Variants in SLC38A7 observed in about 807,000 individuals in gnomAD.
SLC38A7 encodes sodium-coupled neutral amino acid transporter 7.
Under a neutral mutation model 50.1 loss-of-function variants are expected in SLC38A7, and 29 were observed. That is an observed-to-expected ratio of 0.58 (90% CI 0.43 to 0.79). The LOEUF is 0.79. SLC38A7 is among the 30% of genes least tolerant of loss of function. The pLI, the probability that SLC38A7 is intolerant of heterozygous loss-of-function variation, is 0.00. For missense variants in SLC38A7, 483 were observed against 610.6 expected (o/e 0.79, Z 2.20); for synonymous variants, 244 against 245.9 (o/e 0.99, Z 0.07).
rs765831388 is a variant in SLC38A7, at chr16:58,678,506, C to A, written c.470-32G>T. On this transcript the variant is annotated intron_variant, in intron 4 of 11. Coordinates refer to ENST00000219320, the MANE Select transcript of SLC38A7 (RefSeq NM_018231.3). The surrounding 1 kb of genome is among the most constrained non-coding windows in gnomAD (Gnocchi z 4.0). ...AGGGAGGAAGGAGGGAATGTCAAGC[C>A]AGGCCACCATGGGGTGTGGCCCTCC... is the stretch of plus-strand genomic sequence containing the variant. 4.5e-6 allele frequency: 7 copies of A among 1,543,914 alleles called. No homozygotes were observed.
intron 10 of SLC38A7, 134 bp from the exon 11 acceptor site, chr16:58,670,301 C>T: frequency 1.3e-6 from 1 of 774,500 alleles, no homozygotes; most frequent in Non-Finnish European, 2.1e-6. Context: ...CCATCTCTGC[C>T]CCCACACCAC....
In SLC38A7 at chr16:58,671,228, G is replaced by A. The variant is rs144278540; in HGVS notation, c.1048C>T (p.Leu350=). The A allele has an allele frequency of 1.9e-6, 3 of 1,613,648 alleles. No individual in the cohort carries two copies. Among genetic ancestry groups the A allele is most frequent in the African/African-American group, 2.7e-5 (2 of 74,912 alleles). Residue 350 remains leucine (L), a synonymous_variant, in exon 10 of 12, where the codon CTG becomes TTG. Coordinates refer to ENST00000219320, the MANE Select transcript of SLC38A7 (RefSeq NM_018231.3). Reference sequence around the variant, plus strand: ...GGCACCCCCTGGTAGCGCAGCCACAGGCCTTCCACCACCGCCCTGCCCACA... The same window carrying A: ...GGCACCCCCTGGTAGCGCAGCCACAAGCCTTCCACCACCGCCCTGCCCACA... ...HFCGRAVVEG[L]WLRYQGVPVE... is the part of the protein sequence containing the mutation.
rs1200583711 is a variant in SLC38A7 at position 58,666,318 on chromosome 16, T to G, written c.*1067A>C. The G allele has an allele frequency of 6.6e-6, 1 of 151,816 alleles. No individual in the cohort carries two copies. The highest frequency in any genetic ancestry group is 1.5e-5 in the Non-Finnish European group (1 of 68,070). 9.4% of individuals were successfully genotyped at this position (151,816 alleles called of 1,614,324 possible). A position where few individuals can be genotyped will look rare whatever the true frequency, so the allele number is the denominator to read the frequency against. ...CTGACCTCAAGTCATCTGCCCGCCTTGGCCTCCCAAAGTGCTGGGATTACA... is the reference window on the plus strand; with the variant it reads ...CTGACCTCAAGTCATCTGCCCGCCTGGGCCTCCCAAAGTGCTGGGATTACA... On this transcript the variant is annotated 3_prime_UTR_variant, in exon 12 of 12. Coordinates refer to ENST00000219320, the MANE Select transcript of SLC38A7 (RefSeq NM_018231.3).
intron 6 of SLC38A7, 144 bp downstream of exon 6, chr16:58,677,182 C>T: frequency 1.5e-6 from 1 of 651,566 alleles, no homozygotes; most frequent in Non-Finnish European, 2.7e-6. Flanking sequence ...GCTCTTTCCT[C>T]CTTCCTACAA....
intron 2 of SLC38A7, 28 bp from the exon 3 acceptor site, chr16:58,680,269 G>T: frequency 1.1e-6 from 1 of 918,456 alleles, no homozygotes; most frequent in Non-Finnish European, 1.5e-6. Context: ...AGGCACTACT[G>T]TTATCCTAAG....
intron 2 of SLC38A7, among the ~76,000 whole-genome samples, chr16:58,681,040 C>A (rs904888330): frequency 4.6e-5 from 7 of 152,206 alleles, no homozygotes; most frequent in African/African-American, 1.7e-4. Flanking sequence ...TAGCATCTCA[C>A]TGGCCACTAG....
chr16:58,667,631 A>C, intron 11 of SLC38A7, 144 bp from the exon 12 acceptor site: 1 of 595,348 alleles, frequency 1.7e-6, no homozygotes, highest in Non-Finnish European at 2.7e-6. Context: ...CTTCAATACA[A>C]AGGTAGTGTG....
In SLC38A7 at chr16:58,671,166, T is replaced by TCGC. The variant is rs748025551; in HGVS notation, c.1107_1109dup (p.Arg370dup). 6.2e-7 allele frequency: 1 copy of TCGC among 1,613,658 alleles called. No homozygotes were observed. The highest frequency in any genetic ancestry group is 1.3e-5 in the African/African-American group (1 of 74,896). On this transcript the variant is annotated inframe_insertion, in exon 10 of 12. Transcript: ENST00000219320. ...GGAACCAGACCAGCGTCTGCAGCACTCGCCGCCGCCGCTCCCGCCCCACGT... is the reference window on the plus strand; with the variant it reads ...GGAACCAGACCAGCGTCTGCAGCACTCGCCGCCGCCGCCGCTCCCGCCCCACGT...
At chr16:58,668,159 T>C (rs796778615) in intron 11 of SLC38A7, among the ~76,000 whole-genome samples, 1 of 147,932 alleles carries the variant, frequency 6.8e-6, no homozygotes, top group African/African-American at 2.5e-5. Context: ...AAAATTAGGC[T>C]GGGTGTGGTG....
chr16:58,672,803 C>A (rs148616113), intron 8 of SLC38A7, among the ~76,000 whole-genome samples: 6 of 152,032 alleles, frequency 3.9e-5, no homozygotes, highest in African/African-American at 1.2e-4. Context: ...GATGCCACCA[C>A]ACCCAGCTAA....
At position 58,672,193 on chromosome 16, in the gene SLC38A7, G is replaced by A. The variant is rs1178781404; in HGVS notation, c.934C>T (p.Leu312=). The change falls in exon 9 of 12, where the codon CTG becomes TTG. Residue 312 remains leucine, a synonymous_variant. Coordinates refer to ENST00000219320, the MANE Select transcript of SLC38A7 (RefSeq NM_018231.3). The part of the protein sequence containing the change: ...FGAAVDPDVL[L]SYPSEDMAVA... ...GCCATGTCCTCCGAGGGATAGGACA[G>A]GAGCACGTCAGGATCCACAGCAGCT... 1 of 1,576,982 alleles carries A rather than the reference G, an allele frequency of 6.3e-7. No individual in the cohort carries two copies. Among genetic ancestry groups the A allele is most frequent in the South Asian group, 1.2e-5 (1 of 85,730 alleles).
chr16:58,680,209 G>T lies in SLC38A7; in HGVS notation c.-83C>A. On this transcript the variant is annotated 5_prime_UTR_variant, in exon 3 of 12. Coordinates refer to ENST00000219320, the MANE Select transcript of SLC38A7 (RefSeq NM_018231.3). ...TCAGGGAGCTGAGCAACACCCACCT[G>T]TTTGGGGCTGTTAGCTTAGGACTCT... The T allele has an allele frequency of 1.4e-6, 2 of 1,429,276 alleles. No homozygotes were observed. The highest frequency in any genetic ancestry group is 9.2e-7 in the Non-Finnish European group (1 of 1,086,096). 88.5% of individuals were successfully genotyped at this position (1,429,276 alleles called of 1,614,324 possible).
At chr16:58,674,380 G>A (rs113254391) in intron 8 of SLC38A7, among the ~76,000 whole-genome samples, 5 of 151,996 alleles carry the variant, frequency 3.3e-5, no homozygotes, top group African/African-American at 7.2e-5. Flanking sequence ...AGGCTCAAGC[G>A]ATCCTCCCAC....
At position 58,678,774 on chromosome 16, in the gene SLC38A7, A is replaced by C. The variant is rs749426989; in HGVS notation, c.391T>G (p.Cys131Gly). 1 of 1,614,168 alleles carries C rather than the reference A, an allele frequency of 6.2e-7. No homozygotes were observed. Among genetic ancestry groups the C allele is most frequent in the Non-Finnish European group, 8.5e-7 (1 of 1,180,026 alleles). ...AVCGKLTGVLCEVAIAVYTFG... is the reference protein window; with the variant it reads ...AVCGKLTGVLGEVAIAVYTFG... Reference sequence around the variant, plus strand: ...GTGTAGACAGCGATGGCCACCTCACATAGCACACCTGTCAGCTTGCCACAC... The same window carrying C: ...GTGTAGACAGCGATGGCCACCTCACCTAGCACACCTGTCAGCTTGCCACAC... The change falls in exon 4 of 12, where the codon TGT (cysteine) becomes GGT (glycine). Residue 131 changes from cysteine (C) to glycine (G), a missense_variant. Coordinates refer to ENST00000219320, the MANE Select transcript of SLC38A7 (RefSeq NM_018231.3). This position sits in a 1 kb window ranked among gnomAD's most constrained non-coding sequence, Gnocchi z 4.0.
chr16:58,672,655 T>C (rs1054142182), intron 8 of SLC38A7, among the ~76,000 whole-genome samples: 1 of 152,154 alleles, frequency 6.6e-6, no homozygotes, highest in Admixed American at 6.6e-5. Flanking sequence ...TTATTTTTCT[T>C]TTCTTTTTTG....
intron 6 of SLC38A7, 59 bp from the exon 7 acceptor site, chr16:58,676,405 C>A: frequency 6.3e-7 from 1 of 1,586,880 alleles, no homozygotes; most frequent in South Asian, 1.1e-5. Flanking sequence ...ACAACCCACC[C>A]CACGCCCTCA....
chr16:58,668,120 G>A (rs566326880), intron 11 of SLC38A7, among the ~76,000 whole-genome samples: 2 of 152,082 alleles, frequency 1.3e-5, no homozygotes, highest in Admixed American at 6.5e-5. Flanking sequence ...TGGGCAAGAT[G>A]GCGAAACCCC....
chr16:58,671,764 C>CACCGGA, intron 9 of SLC38A7: 1 of 216,374 alleles, frequency 4.6e-6, no homozygotes, highest in Non-Finnish European at 9.2e-6. Flanking sequence ...GAGATGGGGT[C>CACCGGA]TCACTAGGTT....
chr16:58,677,485 CT>C, intron 5 of SLC38A7, 61 bp from the exon 6 acceptor site: 1 of 1,434,112 alleles, frequency 7.0e-7, no homozygotes, highest in Non-Finnish European at 9.8e-7. Context: ...GATTCCACCC[CT>C]AGGGACATCC....
Sources: gnomAD v4.1 joint callset for allele counts (sites outside exome capture counted in the v4.1 genomes callset) on GRCh38, gnomAD v4.1.1 for gene constraint, Gnocchi (gnomAD v3.1) non-coding constraint, MANE v1.5 for transcripts, NCBI Gene and HGNC (gene_info 2026-07-23, HGNC 2026-07-21) for gene names.